Variants in AARS1 observed in about 807,000 individuals in gnomAD.
The protein encoded by AARS1 is alanyl-tRNA synthetase 1, also known as alanine--tRNA ligase, cytoplasmic.
Under a neutral mutation model 108.9 loss-of-function variants are expected in AARS1, and 72 were observed. The ratio of observed to expected loss-of-function variants is 0.66; its 90% CI spans 0.55 to 0.80. The LOEUF (loss-of-function observed/expected upper bound fraction) is 0.80. AARS1 is among the 30% of genes least tolerant of loss of function. The probability of loss-of-function intolerance (pLI) is 0.00; values close to 1 mark genes in which losing one functional copy is unlikely to be tolerated. For synonymous variants in AARS1, 489 were observed against 465.7 expected (o/e 1.05, Z -0.64); for missense variants, 1,193 against 1,233.2 (o/e 0.97, Z 0.49).
chr16:70,278,861 G>A (rs1960619574), intron 2 of AARS1, among the ~76,000 whole-genome samples: 1 of 152,244 alleles, frequency 6.6e-6, no homozygotes, highest in African/African-American at 2.4e-5. Flanking sequence ...AAAGGTTAAG[G>A]AAGTGACTAT....
chr16:70,286,858 G>A (rs1960856262), intron 1 of AARS1, among the ~76,000 whole-genome samples: 2 of 147,974 alleles, frequency 1.4e-5, no homozygotes, highest in South Asian at 2.1e-4. Flanking sequence ...GCTCACGCCT[G>A]TAATCCCAGC....
chr16:70,289,486 T>C lies in AARS1; in HGVS notation c.-87A>G, dbSNP rs1960984413. 4.5e-6 allele frequency: 2 copies of C among 442,782 alleles called. No homozygotes were observed. Among genetic ancestry groups the C allele is most frequent in the South Asian group, 3.2e-5 (2 of 63,112 alleles). 27.4% of individuals were successfully genotyped at this position (442,782 alleles called of 1,614,324 possible). A position where few individuals can be genotyped will look rare whatever the true frequency, so the allele number is the denominator to read the frequency against. On this transcript the variant is annotated 5_prime_UTR_variant, in exon 1 of 21. Transcript: ENST00000261772. ...CCCCGCCAAGGGCCCGCTGCACCTA[T>C]TCCCGCAGACGCGCAGCTGTACCGG... is the stretch of plus-strand genomic sequence containing the variant.
At chr16:70,287,643 T>C (rs1960883619) in intron 1 of AARS1, among the ~76,000 whole-genome samples, 1 of 151,774 alleles carries the variant, frequency 6.6e-6, no homozygotes. Context: ...CTCGGGAGGC[T>C]GAGTCCAAAG....
intron 1 of AARS1, among the ~76,000 whole-genome samples, chr16:70,283,084 G>T (rs1960743379): frequency 1.3e-5 from 2 of 152,100 alleles, no homozygotes; most frequent in South Asian, 2.1e-4. Context: ...TCTGTGTCAG[G>T]CCCGAGACTA....
At chr16:70,269,832 T>C (rs1438116345) in intron 6 of AARS1, 69 bp from the exon 7 acceptor site, 1 of 1,596,512 alleles carries the variant, frequency 6.3e-7, no homozygotes, top group Non-Finnish European at 8.6e-7. Flanking sequence ...CCCAAGGAGG[T>C]TCCTGGAGGA....
chr16:70,258,970 C>T lies in AARS1; in HGVS notation c.1992+10G>A. Reference sequence around the variant, plus strand: ...GGGGAGGGGGGGCATTCAGCCGTCGCCCATCCTACCTTGGCTGCCTCAATC... The same window carrying T: ...GGGGAGGGGGGGCATTCAGCCGTCGTCCATCCTACCTTGGCTGCCTCAATC... On this transcript the variant is annotated intron_variant, in intron 14 of 20. Coordinates refer to ENST00000261772, the MANE Select transcript of AARS1 (RefSeq NM_001605.3). 6.2e-7 allele frequency: 1 copy of T among 1,614,024 alleles called. No individual in the cohort carries two copies. The highest frequency in any genetic ancestry group is 1.1e-5 in the South Asian group (1 of 91,076).
At chr16:70,260,946 G>C in intron 13 of AARS1, 98 bp downstream of exon 13, 1 of 949,898 alleles carries the variant, frequency 1.1e-6, no homozygotes, top group Admixed American at 1.9e-5. Context: ...ACAAGTGTGA[G>C]CCACCACACC....
At chr16:70,284,459 G>A (rs944857194) in intron 1 of AARS1, among the ~76,000 whole-genome samples, 4 of 151,692 alleles carry the variant, frequency 2.6e-5, no homozygotes, top group South Asian at 4.2e-4. Context: ...AAAATAATCC[G>A]GGCATGGTGG....
intron 14 of AARS1, 75 bp downstream of exon 14, chr16:70,258,905 G>T: frequency 6.8e-7 from 1 of 1,470,776 alleles, no homozygotes; most frequent in Non-Finnish European, 9.5e-7. Flanking sequence ...CAGAGTGAGA[G>T]CACCGCACTG....
At chr16:70,265,339 T>G in intron 10 of AARS1, 199 bp downstream of exon 10, 1 of 988,614 alleles carries the variant, frequency 1.0e-6, no homozygotes, top group Non-Finnish European at 1.6e-6. Context: ...CTGCCCCTAG[T>G]TGTGAAAATC....
At chr16:70,282,871 A>T in intron 1 of AARS1, 87 bp from the exon 2 acceptor site, 10 of 1,349,488 alleles carry the variant, frequency 7.4e-6, no homozygotes, top group Non-Finnish European at 1.1e-5. Context: ...TCTCAAGCCA[A>T]GTCAAAGCAC....
At chr16:70,271,443 G>T (rs779332493) in intron 5 of AARS1, among the ~76,000 whole-genome samples, 8 of 151,514 alleles carry the variant, frequency 5.3e-5, no homozygotes, top group Non-Finnish European at 1.2e-4. Flanking sequence ...CAGGAGAATC[G>T]CTTGAACCCA....
chr16:70,259,891 G>C (rs1960093219), intron 13 of AARS1, among the ~76,000 whole-genome samples: 1 of 151,994 alleles, frequency 6.6e-6, no homozygotes, highest in Non-Finnish European at 1.5e-5. Context: ...TCCTGCCTCA[G>C]CCTCCTGAGT....
In AARS1 at chr16:70,259,192, A is replaced by G. The variant is rs1960074594; in HGVS notation, c.1786-6T>C. ...ATGATGGGTCTTCGTCGGGGCTGGA[A>G]AGGGCAGAGGGGCTCATGGAGAGGT... On this transcript the variant is annotated splice_polypyrimidine_tract_variant and splice_region_variant and intron_variant, in intron 13 of 20. Transcript: ENST00000261772. 1 of 1,613,646 alleles carries G rather than the reference A, an allele frequency of 6.2e-7. No individual in the cohort carries two copies.
At chr16:70,269,903 A>AC in intron 6 of AARS1, 140 bp from the exon 7 acceptor site, 2 of 1,175,214 alleles carry the variant, frequency 1.7e-6, no homozygotes, top group Non-Finnish European at 2.5e-6. Flanking sequence ...CAAGAACGTG[A>AC]CATTGGGGAA....
At chr16:70,262,050 C>T (rs896586844) in intron 12 of AARS1, among the ~76,000 whole-genome samples, 1 of 152,102 alleles carries the variant, frequency 6.6e-6, no homozygotes, top group African/African-American at 2.4e-5. Context: ...CGGCAGAGCT[C>T]GAGGCTGAGT....
intron 15 of AARS1, 41 bp from the exon 16 acceptor site, chr16:70,255,877 G>T: frequency 6.4e-7 from 1 of 1,571,852 alleles, no homozygotes; most frequent in South Asian, 1.1e-5. Context: ...AAGAGGCCCT[G>T]GCAGCCCTTG....
intron 17 of AARS1, chr16:70,254,326 G>A (rs1959925087): frequency 3.4e-6 from 2 of 583,730 alleles, no homozygotes; most frequent in Non-Finnish European, 6.1e-6. Context: ...TAAATACCAG[G>A]CAGGCTTGGA....
At chr16:70,289,301 G>T (rs1269109373) in intron 1 of AARS1, 120 bp downstream of exon 1, 1 of 347,002 alleles carries the variant, frequency 2.9e-6, no homozygotes, top group East Asian at 7.7e-5. Context: ...AGCCCAGACT[G>T]GGCTTCTCCA....
Sources: allele counts gnomAD v4.1 joint callset (sites outside exome capture counted in the v4.1 genomes callset), GRCh38; gene constraint gnomAD v4.1.1; transcripts MANE v1.5; gene names NCBI Gene and HGNC (gene_info 2026-07-23, HGNC 2026-07-21).